Variants in SETD3 observed in about 807,000 individuals in gnomAD.
SETD3 encodes actin-histidine N-methyltransferase.
A neutral mutation model predicts 63.0 loss-of-function variants in SETD3; 19 were observed. That is an observed-to-expected ratio of 0.30 (90% confidence interval 0.21 to 0.44). The LOEUF (loss-of-function observed/expected upper bound fraction) is 0.44. SETD3 is among the 20% of genes least tolerant of loss of function. The pLI, the probability that SETD3 is intolerant of heterozygous loss-of-function variation, is 1.00. For synonymous variants in SETD3, 286 were observed against 264.1 expected (o/e 1.08, Z -0.80); for missense variants, 587 against 728.5 (o/e 0.81, Z 2.24).
At chr14:99,449,630 A>G (rs1300870132) in intron 6 of SETD3, among the ~76,000 whole-genome samples, 1 of 152,214 alleles carries the variant, frequency 6.6e-6, no homozygotes, top group Non-Finnish European at 1.5e-5. Context: ...AAGTGATTTG[A>G]GAAGATTCGA....
chr14:99,468,646 C>CT (rs397796903), intron 1 of SETD3, among the ~76,000 whole-genome samples: 1 of 152,042 alleles, frequency 6.6e-6, no homozygotes, highest in African/African-American at 2.4e-5. Flanking sequence ...TCTGCCTCCC[C>CT]GTTCACCCCT....
rs762611042 is a variant in SETD3 at position 99,398,662 on chromosome 14, T to C, written c.*17A>G. On this transcript the variant is annotated 3_prime_UTR_variant, in exon 13 of 13. Transcript: ENST00000331768. ...AACTCCTGCTCCACTGGATCCCCCATCCAGCTTCACCTCGAGCTACTCCTT... is the reference window on the plus strand; with the variant it reads ...AACTCCTGCTCCACTGGATCCCCCACCCAGCTTCACCTCGAGCTACTCCTT... 7 of 1,607,132 alleles carry C rather than the reference T, an allele frequency of 4.4e-6. No homozygotes were observed. The highest frequency in any genetic ancestry group is 4.3e-6 in the Non-Finnish European group (5 of 1,174,970).
chr14:99,458,292 T>C lies in SETD3; in HGVS notation c.662A>G (p.Tyr221Cys), dbSNP rs748062751. 6.2e-6 allele frequency: 10 copies of C among 1,613,230 alleles called. No homozygotes were observed. Among genetic ancestry groups the C allele is most frequent in the Non-Finnish European group, 8.5e-6 (10 of 1,179,254 alleles). The change falls in exon 6 of 13, where the codon TAT becomes TGT. Residue 221 changes from tyrosine to cysteine, a missense_variant. Physicochemically the swap from Tyr to Cys is radical, Grantham distance 194. Transcript: ENST00000331768. The stretch of plus-strand genomic sequence containing the variant: ...ACAGCTGCTCACCTGGATGACTTTA[T>C]AGAAGTAGGCGTACTGTCGAGCTGT... Reference protein sequence around the residue: ...KNTARQYAYFYKVIQTHPHAN... With the variant: ...KNTARQYAYFCKVIQTHPHAN...
At chr14:99,446,202 CCT>C (rs1413557651) in intron 6 of SETD3, among the ~76,000 whole-genome samples, 1 of 152,188 alleles carries the variant, frequency 6.6e-6, no homozygotes, top group African/African-American at 2.4e-5. Flanking sequence ...GGTTAGGGAG[CCT>C]CTGTCAGGGC....
At chr14:99,459,090 G>A (rs1894926810) in intron 5 of SETD3, 23 bp downstream of exon 5, 1 of 1,582,138 alleles carries the variant, frequency 6.3e-7, no homozygotes, top group Non-Finnish European at 8.6e-7. Flanking sequence ...GCTTTGCCTT[G>A]AAGAGTCAGA....
intron 10 of SETD3, among the ~76,000 whole-genome samples, 186 bp downstream of exon 10, chr14:99,405,017 TTA>T (rs1891602880): frequency 6.6e-6 from 1 of 152,220 alleles, no homozygotes; most frequent in Non-Finnish European, 1.5e-5. Context: ...AACGACACAA[TTA>T]TGTTTACCTG....
intron 6 of SETD3, among the ~76,000 whole-genome samples, chr14:99,456,986 A>C (rs1894796824): frequency 6.6e-6 from 1 of 152,214 alleles, no homozygotes; most frequent in African/African-American, 2.4e-5. Context: ...CTTGTAGTTC[A>C]TTGTCCAGCA....
intron 1 of SETD3, among the ~76,000 whole-genome samples, chr14:99,477,182 T>C (rs1595287585): frequency 6.6e-6 from 1 of 152,008 alleles, no homozygotes; most frequent in African/African-American, 2.4e-5. Context: ...AAGTACTTGA[T>C]AGAAGAAAAA....
At chr14:99,422,512 G>A (rs920140723) in intron 6 of SETD3, among the ~76,000 whole-genome samples, 1 of 152,180 alleles carries the variant, frequency 6.6e-6, no homozygotes, top group African/African-American at 2.4e-5. Flanking sequence ...GAGCTCATGA[G>A]GAATGAGCTC....
At position 99,461,202 on chromosome 14, in the gene SETD3, CTT is replaced by C. The variant is rs768002220; in HGVS notation, c.333_334del (p.Asp113TyrfsTer19). 1 of 1,613,838 alleles carries C rather than the reference CTT, an allele frequency of 6.2e-7. No homozygotes were observed. The highest frequency in any genetic ancestry group is 8.5e-7 in the Non-Finnish European group (1 of 1,179,982). The stretch of plus-strand genomic sequence containing the variant: ...ATTTTATAAACTCACCTTGATATCT[CTT>C]GTTGCTCTCAAACCAAAGCCCTCTT... On this transcript the variant is annotated frameshift_variant, in exon 4 of 13. Coordinates refer to ENST00000331768, the MANE Select transcript of SETD3 (RefSeq NM_032233.3). LOFTEE classifies it high-confidence loss of function.
intron 6 of SETD3, among the ~76,000 whole-genome samples, chr14:99,421,410 A>T (rs1251315940): frequency 6.6e-6 from 1 of 151,976 alleles, no homozygotes; most frequent in Non-Finnish European, 1.5e-5. Context: ...ATCTAGTATG[A>T]TCAGTCATTT....
intron 6 of SETD3, among the ~76,000 whole-genome samples, chr14:99,449,678 G>C (rs1177517692): frequency 6.6e-6 from 1 of 152,200 alleles, no homozygotes; most frequent in Admixed American, 6.5e-5. Context: ...AGGGAAAAAA[G>C]GGCATTAATG....
Position 99,404,307 on chromosome 14 carries a change from G to A in SETD3, c.1095C>T (p.Ser365=), listed in dbSNP as rs781242735. Residue 365 remains serine, a synonymous_variant, in exon 11 of 13, where the codon TCC becomes TCT. Transcript: ENST00000331768. ...EVLARAGIPT[S]SVFALHFTEP... ...CGGTAAAATGCAATGCAAAAACACTGGAACTGATAAAAGCAGAAAGCAAGA... is the reference window on the plus strand; with the variant it reads ...CGGTAAAATGCAATGCAAAAACACTAGAACTGATAAAAGCAGAAAGCAAGA... 1.2e-6 allele frequency: 2 copies of A among 1,613,982 alleles called. No homozygotes were observed. Among genetic ancestry groups the A allele is most frequent in the Non-Finnish European group, 1.7e-6 (2 of 1,179,922 alleles).
chr14:99,406,968 G>T (rs778326639), intron 8 of SETD3, among the ~76,000 whole-genome samples: 2 of 152,272 alleles, frequency 1.3e-5, no homozygotes, highest in South Asian at 4.1e-4. Flanking sequence ...GTTCACTGAC[G>T]ATCTGCACTA....
chr14:99,404,796 GA>G (rs1891592852), intron 10 of SETD3, among the ~76,000 whole-genome samples: 1 of 152,098 alleles, frequency 6.6e-6, no homozygotes, highest in South Asian at 2.1e-4. Context: ...TCAAATGCAA[GA>G]AAATCTTAAA....
chr14:99,484,034 C>CA (rs924978878), upstream of SETD3, among the ~76,000 whole-genome samples: 12 of 151,494 alleles, frequency 7.9e-5, no homozygotes, highest in Admixed American at 2.6e-4. Context: ...GAGATTGTCT[C>CA]AAAAAAAATA....
At chr14:99,463,143 T>C (rs929128206) in intron 3 of SETD3, among the ~76,000 whole-genome samples, 1 of 152,282 alleles carries the variant, frequency 6.6e-6, no homozygotes, top group East Asian at 1.9e-4. Flanking sequence ...TTATTTGTTA[T>C]TGACGATATA....
Position 99,398,721 on chromosome 14 carries a change from G to A in SETD3, c.1743C>T (p.Ala581=). The change falls in exon 13 of 13, where the codon GCC becomes GCT. Residue 581 remains alanine, a synonymous_variant. Coordinates refer to ENST00000331768, the MANE Select transcript of SETD3 (RefSeq NM_032233.3). The stretch of plus-strand genomic sequence containing the variant: ...CAGTGCTGTCTGAAGAAGATCCTTT[G>A]GCGTCTTCAACTGCTCTTTTACTTT... ...NQESKRAVED[A]KGSSSDSTAG... 3 of 1,614,154 alleles carry A rather than the reference G, an allele frequency of 1.9e-6. No individual in the cohort carries two copies. Among genetic ancestry groups the A allele is most frequent in the Non-Finnish European group, 2.5e-6 (3 of 1,180,028 alleles).
At chr14:99,451,559 TAC>T (rs1158509604) in intron 6 of SETD3, among the ~76,000 whole-genome samples, 1 of 151,928 alleles carries the variant, frequency 6.6e-6, no homozygotes, top group South Asian at 2.1e-4. Flanking sequence ...AGGGGTGGAG[TAC>T]AGTGGTGTGA....
Sources: gnomAD v4.1 joint callset for allele counts (sites outside exome capture counted in the v4.1 genomes callset) on GRCh38, gnomAD v4.1.1 for gene constraint, MANE v1.5 for transcripts, NCBI Gene and HGNC (gene_info 2026-07-23, HGNC 2026-07-21) for gene names.